SEMA3C: variants seen among roughly 807,000 people sequenced by gnomAD.
The protein encoded by SEMA3C is semaphorin 3C, also known as semaphorin-3C.
SEMA3C carries 47 observed loss-of-function variants against 89.4 expected under a neutral mutation model. That is an observed-to-expected ratio of 0.53 (90% CI 0.42 to 0.67). The LOEUF (loss-of-function observed/expected upper bound fraction) is 0.67, where lower values mean the gene tolerates loss of function less well. Ranked by LOEUF, SEMA3C falls within the 30% of genes least tolerant of loss-of-function variation. The probability of loss-of-function intolerance (pLI) is 0.00; values close to 1 mark genes in which losing one functional copy is unlikely to be tolerated. For synonymous variants in SEMA3C, 310 were observed against 320.2 expected, an observed-to-expected ratio of 0.97 and a Z score of 0.34; for missense variants, 839 against 929.1, an observed-to-expected ratio of 0.90 and a Z score of 1.26.
At chr7:80,784,466 T>C (rs2117098756) in intron 12 of SEMA3C, among the ~76,000 whole-genome samples, 1 of 152,110 alleles carries the variant, frequency 6.6e-6, no homozygotes, top group South Asian at 2.1e-4. Context: ...CAGCATTTTT[T>C]TTTACTCAAG....
chr7:80,838,678 A>G (rs185528465), intron 2 of SEMA3C, among the ~76,000 whole-genome samples: 4 of 152,324 alleles, frequency 2.6e-5, no homozygotes, highest in African/African-American at 9.6e-5. Flanking sequence ...TGGAGGCCTC[A>G]GGAAACTTAC....
intron 4 of SEMA3C, among the ~76,000 whole-genome samples, chr7:80,818,935 A>G (rs1298088461): frequency 6.6e-6 from 1 of 152,224 alleles, no homozygotes; most frequent in Non-Finnish European, 1.5e-5. Flanking sequence ...CAGTCAGTCA[A>G]CAAACATTTA....
intron 11 of SEMA3C, among the ~76,000 whole-genome samples, chr7:80,790,359 GAGA>G (rs948545974): frequency 5.3e-5 from 8 of 151,964 alleles, no homozygotes; most frequent in Non-Finnish European, 1.0e-4. Flanking sequence ...AAGGGGAGGA[GAGA>G]AGAAGAGAAG....
chr7:80,893,632 G>T (rs987249732), intron 2 of SEMA3C, among the ~76,000 whole-genome samples: 1 of 152,064 alleles, frequency 6.6e-6, no homozygotes, highest in Admixed American at 6.6e-5. Context: ...TGCTCAAGAA[G>T]AATTTTAAAT....
intron 12 of SEMA3C, among the ~76,000 whole-genome samples, chr7:80,765,722 G>A (rs1321199275): frequency 6.6e-6 from 1 of 151,942 alleles, no homozygotes. Context: ...GATTACAGGT[G>A]CCCGCCACCA....
intron 11 of SEMA3C, among the ~76,000 whole-genome samples, chr7:80,790,763 C>T (rs1788918519): frequency 6.6e-6 from 1 of 152,154 alleles, no homozygotes; most frequent in Admixed American, 6.5e-5. Context: ...GCCCTATTTA[C>T]CTAACAGTAT....
chr7:80,788,957 A>T (rs2115579699), intron 12 of SEMA3C, among the ~76,000 whole-genome samples: 1 of 152,288 alleles, frequency 6.6e-6, no homozygotes, highest in Non-Finnish European at 1.5e-5. Context: ...GAAGTTTTTC[A>T]CAAAGCTGGT....
chr7:80,792,072 C>T (rs548463694), intron 11 of SEMA3C, among the ~76,000 whole-genome samples: 2 of 152,300 alleles, frequency 1.3e-5, no homozygotes, highest in African/African-American at 4.8e-5. Context: ...AACGAAACCT[C>T]TCATTCTTTA....
intron 2 of SEMA3C, among the ~76,000 whole-genome samples, chr7:80,833,326 A>C (rs1448842215): frequency 6.6e-6 from 1 of 152,098 alleles, no homozygotes; most frequent in East Asian, 1.9e-4. Context: ...CCAGCTACTC[A>C]GGAGGCTAAG....
intron 2 of SEMA3C, among the ~76,000 whole-genome samples, chr7:80,830,922 A>G (rs1463425213): frequency 6.6e-6 from 1 of 152,156 alleles, no homozygotes; most frequent in Non-Finnish European, 1.5e-5. Flanking sequence ...AAAATCCAAG[A>G]GCTGAGAACA....
chr7:80,907,283 G>A (rs1263242070), intron 2 of SEMA3C, among the ~76,000 whole-genome samples: 1 of 152,024 alleles, frequency 6.6e-6, no homozygotes, highest in Non-Finnish European at 1.5e-5. Flanking sequence ...CTCTGTGCCA[G>A]CTAAACCCCT....
chr7:80,764,266 C>T (rs1385647420), intron 13 of SEMA3C, among the ~76,000 whole-genome samples: 1 of 152,146 alleles, frequency 6.6e-6, no homozygotes, highest in Non-Finnish European at 1.5e-5. Context: ...TGACTCTGGT[C>T]TTTTGTTGTG....
chr7:80,779,574 A>G (rs1788645279), intron 12 of SEMA3C, among the ~76,000 whole-genome samples: 1 of 152,100 alleles, frequency 6.6e-6, no homozygotes, highest in African/African-American at 2.4e-5. Context: ...CCTATAACAG[A>G]AAAAAAGTCT....
chr7:80,856,335 T>C (rs903884490), intron 2 of SEMA3C, among the ~76,000 whole-genome samples: 1 of 151,952 alleles, frequency 6.6e-6, no homozygotes, highest in African/African-American at 2.4e-5. Flanking sequence ...CCACTTCTTA[T>C]ATATAATAAT....
At chr7:80,829,759 C>T (rs1329078402) in intron 2 of SEMA3C, among the ~76,000 whole-genome samples, 2 of 152,140 alleles carry the variant, frequency 1.3e-5, no homozygotes, top group Non-Finnish European at 2.9e-5. Context: ...TCGTGACATT[C>T]ATGATACATT....
chr7:80,801,312 A>G (rs1789202431), intron 9 of SEMA3C, among the ~76,000 whole-genome samples: 1 of 152,102 alleles, frequency 6.6e-6, no homozygotes, highest in African/African-American at 2.4e-5. Flanking sequence ...ATGGAATAAA[A>G]CTTTTTCACG....
At chr7:80,892,411 T>C (rs1791636659) in intron 2 of SEMA3C, among the ~76,000 whole-genome samples, 1 of 152,174 alleles carries the variant, frequency 6.6e-6, no homozygotes, top group South Asian at 2.1e-4. Context: ...ATTTTCGTCC[T>C]TTTGTATGAT....
At chr7:80,812,721 C>T (rs563609301) in intron 5 of SEMA3C, among the ~76,000 whole-genome samples, 3 of 152,076 alleles carry the variant, frequency 2.0e-5, no homozygotes, top group Non-Finnish European at 4.4e-5. Context: ...GAAATCTTCT[C>T]TGTTTCTCCC....
At chr7:80,827,317 A>G in intron 4 of SEMA3C, 108 bp downstream of exon 4, 3 of 1,201,264 alleles carry the variant, frequency 2.5e-6, no homozygotes, top group Non-Finnish European at 3.3e-6. Context: ...CAAAAATTTA[A>G]AACACCACCA....
Sources: allele counts gnomAD v4.1 joint callset (sites outside exome capture counted in the v4.1 genomes callset), GRCh38; gene constraint gnomAD v4.1.1; transcripts MANE v1.5; gene names NCBI Gene and HGNC (gene_info 2026-07-23, HGNC 2026-07-21).